Variants in CRB1 observed in about 807,000 individuals in gnomAD.
The protein encoded by CRB1 is crumbs cell polarity complex component 1, also known as protein crumbs homolog 1.
Under a neutral mutation model 120.0 loss-of-function variants are expected in CRB1, and 83 were observed. That is an observed-to-expected ratio of 0.69 (90% CI 0.58 to 0.83). CRB1 has a LOEUF of 0.83. Among genes scored for constraint, CRB1 ranks in the 40% least tolerant of loss-of-function variants. The pLI is 0.00. For missense variants in CRB1, 1,699 were observed against 1,687.6 expected (o/e 1.01, Z -0.12); for synonymous variants, 625 against 612.5 (o/e 1.02, Z -0.30).
At chr1:197,425,805 AT>A (rs1240724805) in intron 6 of CRB1, among the ~76,000 whole-genome samples, 1 of 150,876 alleles carries the variant, frequency 6.6e-6, no homozygotes, top group Non-Finnish European at 1.5e-5. Flanking sequence ...TGGACCTCTC[AT>A]TTTCTCTATA....
the CRB1 span, among the ~76,000 whole-genome samples, chr1:197,214,097 G>A: frequency 2.6e-5 from 4 of 151,928 alleles, no homozygotes; most frequent in Non-Finnish European, 4.4e-5. Flanking sequence ...TAAAAGTTGC[G>A]TGGTTTTTTT....
chr1:197,254,962 G>GT, the CRB1 span, among the ~76,000 whole-genome samples: 3 of 152,006 alleles, frequency 2.0e-5, no homozygotes, highest in African/African-American at 7.3e-5. Context: ...CATGTACAGT[G>GT]ACTTCACTCA....
chr1:197,201,654 T>A, the CRB1 span, among the ~76,000 whole-genome samples: 1 of 152,158 alleles, frequency 6.6e-6, no homozygotes, highest in Admixed American at 6.5e-5. Flanking sequence ...AGAAGTAGTT[T>A]GCCGAGGTGC....
intron 1 of CRB1, among the ~76,000 whole-genome samples, chr1:197,274,808 G>T (rs2125206487): frequency 6.6e-6 from 1 of 152,110 alleles, no homozygotes; most frequent in Non-Finnish European, 1.5e-5. Context: ...TATAGATGTA[G>T]CACGGTTTGC....
the CRB1 span, among the ~76,000 whole-genome samples, chr1:197,227,720 C>G: frequency 6.6e-6 from 1 of 152,080 alleles, no homozygotes. Flanking sequence ...AGCCCCCACA[C>G]AGCTCCACGA....
intron 5 of CRB1, among the ~76,000 whole-genome samples, chr1:197,402,432 C>T (rs1339132939): frequency 6.6e-6 from 1 of 152,108 alleles, no homozygotes; most frequent in Non-Finnish European, 1.5e-5. Context: ...TGTATATGTA[C>T]CACATTTTCT....
intron 1 of CRB1, among the ~76,000 whole-genome samples, chr1:197,284,085 C>T (rs1655686874): frequency 6.6e-6 from 1 of 151,850 alleles, no homozygotes; most frequent in African/African-American, 2.4e-5. Flanking sequence ...TTATTTTAAA[C>T]TGCATAGGAG....
intron 5 of CRB1, among the ~76,000 whole-genome samples, chr1:197,401,621 A>G (rs946100769): frequency 1.3e-5 from 2 of 152,116 alleles, no homozygotes; most frequent in Non-Finnish European, 2.9e-5. Context: ...TTCAAATTGA[A>G]CTGGTTTTAA....
chr1:197,229,531 T>C, the CRB1 span, among the ~76,000 whole-genome samples: 1 of 152,158 alleles, frequency 6.6e-6, no homozygotes. Flanking sequence ...CACTGAGGTT[T>C]GGGGTATGAG....
intron 10 of CRB1, chr1:197,438,944 T>G: frequency 2.8e-6 from 1 of 362,132 alleles, no homozygotes. Flanking sequence ...TTATAAGTAC[T>G]TCTGAATTCA....
chr1:197,394,213 A>G (rs900795469), intron 5 of CRB1, among the ~76,000 whole-genome samples: 2 of 152,086 alleles, frequency 1.3e-5, no homozygotes, highest in African/African-American at 4.8e-5. Context: ...GAGGATGAAG[A>G]CCTCTATGAT....
chr1:197,428,110 C>T, intron 7 of CRB1, 109 bp downstream of exon 7: 2 of 936,902 alleles, frequency 2.1e-6, no homozygotes, highest in Middle Eastern at 4.8e-4. Flanking sequence ...ATGTTACTGA[C>T]CCACCAGTAT....
At chr1:197,228,497 A>G in the CRB1 span, among the ~76,000 whole-genome samples, 1 of 152,128 alleles carries the variant, frequency 6.6e-6, no homozygotes, top group Admixed American at 6.6e-5. Context: ...CAGTTTCCCA[A>G]CAAGTTCCTC....
chr1:197,274,812 G>A (rs565720440), intron 1 of CRB1, among the ~76,000 whole-genome samples: 13 of 151,910 alleles, frequency 8.6e-5, no homozygotes, highest in Admixed American at 4.6e-4. Context: ...GATGTAGCAC[G>A]GTTTGCTTAA....
the CRB1 span, among the ~76,000 whole-genome samples, chr1:197,220,490 A>G: frequency 6.6e-6 from 1 of 152,128 alleles, no homozygotes. Context: ...ATCCAAGGAG[A>G]TGGGAGCAGG....
At chr1:197,342,721 A>AT (rs1268904037) in intron 2 of CRB1, among the ~76,000 whole-genome samples, 3 of 152,152 alleles carry the variant, frequency 2.0e-5, no homozygotes, top group Admixed American at 6.5e-5. Flanking sequence ...CTTTTCAAAC[A>AT]TTTTTTATTC....
rs1268342249 is a variant in CRB1, at chr1:197,286,507, ATTGT to A, written c.70+18028_70+18031del. On this transcript the variant is annotated intron_variant, in intron 1 of 11. Coordinates refer to ENST00000367400, the MANE Select transcript of CRB1 (RefSeq NM_201253.3). The stretch of plus-strand genomic sequence containing the variant: ...ACCTTAGAAAACTAAACATTTACTA[ATTGT>A]TTATTTGTAATTTATCTTCCCAATA... Among the ~76,000 whole-genome samples the A allele has an allele frequency of 2.0e-5, 3 of 151,846 alleles. No individual in the cohort carries two copies. In the South Asian group the frequency reaches 6.2e-4, roughly 31 times the overall value.
chr1:197,434,293 T>A (rs1665015800), intron 8 of CRB1, among the ~76,000 whole-genome samples: 1 of 152,190 alleles, frequency 6.6e-6, no homozygotes, highest in Non-Finnish European at 1.5e-5. Context: ...TTGCTCAATT[T>A]ATTTATGTGT....
intron 4 of CRB1, among the ~76,000 whole-genome samples, chr1:197,356,154 G>C (rs1660468486): frequency 6.6e-6 from 1 of 152,220 alleles, no homozygotes; most frequent in South Asian, 2.1e-4. Flanking sequence ...AAAGAATGCA[G>C]ATAATACAGT....
Sources: allele counts gnomAD v4.1 joint callset (sites outside exome capture counted in the v4.1 genomes callset), GRCh38; gene constraint gnomAD v4.1.1; transcripts MANE v1.5; gene names NCBI Gene and HGNC (gene_info 2026-07-23, HGNC 2026-07-21).